The following EPM2A variants were observed in gnomAD, a reference collection of about 807,000 sequenced individuals.
EPM2A encodes laforin.
EPM2A carries 21 observed loss-of-function variants against 26.5 expected under a neutral mutation model. That is an observed-to-expected ratio of 0.79 (90% CI 0.56 to 1.14). EPM2A has a LOEUF of 1.14. EPM2A is among the 50% of genes most tolerant of loss of function. EPM2A has a pLI of 0.00. For synonymous variants in EPM2A, 217 were observed against 177.6 expected, an observed-to-expected ratio of 1.22 and a Z score of -1.76; for missense variants, 458 against 440.8, an observed-to-expected ratio of 1.04 and a Z score of -0.35.
chr6:145,727,042 C>G (rs1776247446), intron 1 of EPM2A, among the ~76,000 whole-genome samples: 2 of 152,018 alleles, frequency 1.3e-5, no homozygotes, highest in Non-Finnish European at 2.9e-5. Flanking sequence ...ACAGTTTATT[C>G]TTAAAAATAC....
chr6:145,612,158 A>G (rs1349974112), intron 2 of EPM2A, among the ~76,000 whole-genome samples: 1 of 152,220 alleles, frequency 6.6e-6, no homozygotes, highest in Non-Finnish European at 1.5e-5. Flanking sequence ...ACTAGTATTC[A>G]TGAATGTCAG....
At chr6:145,493,990 G>A (rs1278070515) in intron 4 of EPM2A, among the ~76,000 whole-genome samples, 1 of 152,134 alleles carries the variant, frequency 6.6e-6, no homozygotes, top group African/African-American at 2.4e-5. Context: ...AGATGATGCT[G>A]GCCTCATAGA....
At chr6:145,399,667 A>G (rs1196589229) in intron 4 of EPM2A, among the ~76,000 whole-genome samples, 1 of 150,700 alleles carries the variant, frequency 6.6e-6, no homozygotes, top group Admixed American at 6.7e-5. Context: ...GTTTTAGACA[A>G]TTGGGCTACA....
intron 4 of EPM2A, among the ~76,000 whole-genome samples, chr6:145,485,582 G>A (rs1779661360): frequency 6.6e-6 from 1 of 152,154 alleles, no homozygotes; most frequent in Non-Finnish European, 1.5e-5. Flanking sequence ...CACATGGAGT[G>A]AGGTGTTGGT....
intron 4 of EPM2A, among the ~76,000 whole-genome samples, chr6:145,442,804 T>A (rs1044981945): frequency 1.2e-4 from 19 of 152,322 alleles, no homozygotes; most frequent in African/African-American, 4.1e-4. Context: ...GCTGTTTGGG[T>A]TACTGTAGCC....
intron 4 of EPM2A, among the ~76,000 whole-genome samples, chr6:145,424,552 G>T (rs576315897): frequency 5.8e-4 from 88 of 152,216 alleles, no homozygotes; most frequent in African/African-American, 2.0e-3. Flanking sequence ...AATTATGTCT[G>T]ATCTATTAGA....
intron 4 of EPM2A, among the ~76,000 whole-genome samples, chr6:145,386,610 C>A (rs1778265477): frequency 6.6e-6 from 1 of 152,124 alleles, no homozygotes; most frequent in Admixed American, 6.5e-5. Flanking sequence ...ACTGTGTTTA[C>A]AACACTAAAT....
chr6:145,550,017 G>C (rs951183217), intron 2 of EPM2A, among the ~76,000 whole-genome samples: 1 of 152,108 alleles, frequency 6.6e-6, no homozygotes, highest in African/African-American at 2.4e-5. Flanking sequence ...GCAGAGTCCA[G>C]TAGAACCGAA....
At chr6:145,680,142 C>T (rs1780393492) in intron 2 of EPM2A, 2 of 151,470 alleles carry the variant, frequency 1.3e-5, no homozygotes, top group African/African-American at 4.9e-5. Flanking sequence ...TGTGGAAAGA[C>T]AAAATTGGGG....
chr6:145,676,333 A>G (rs993032153), intron 2 of EPM2A, among the ~76,000 whole-genome samples: 2 of 152,232 alleles, frequency 1.3e-5, no homozygotes, highest in Non-Finnish European at 2.9e-5. Context: ...AGAAAGATAT[A>G]AAATTGACAC....
chr6:145,726,272 T>A (rs928335895), intron 1 of EPM2A, among the ~76,000 whole-genome samples: 1 of 152,110 alleles, frequency 6.6e-6, no homozygotes, highest in African/African-American at 2.4e-5. Context: ...TAGTAAGATA[T>A]TTAAACCAAA....
chr6:145,699,466 G>T (rs923834711), intron 1 of EPM2A, among the ~76,000 whole-genome samples: 5 of 152,136 alleles, frequency 3.3e-5, no homozygotes, highest in African/African-American at 9.7e-5. Flanking sequence ...ACTAAAAATG[G>T]ACTATGTTGG....
intron 4 of EPM2A, among the ~76,000 whole-genome samples, chr6:145,495,686 T>C (rs1025040518): frequency 6.6e-6 from 1 of 152,188 alleles, no homozygotes; most frequent in African/African-American, 2.4e-5. Flanking sequence ...CAAGCAATTC[T>C]CATGCCTCAG....
chr6:145,576,896 AG>A (rs1301905328), intron 2 of EPM2A, among the ~76,000 whole-genome samples: 4 of 151,976 alleles, frequency 2.6e-5, no homozygotes, highest in African/African-American at 9.7e-5. Context: ...TAAAGTGTAG[AG>A]TTTTTTTAGG....
At chr6:145,499,917 G>A (rs1043343713), downstream of EPM2A, among the ~76,000 whole-genome samples, 3 of 152,020 alleles carry the variant, frequency 2.0e-5, no homozygotes, top group Admixed American at 1.3e-4. Flanking sequence ...CTCTGTTCCT[G>A]GAGCACGAAG....
At chr6:145,598,884 T>C (rs915439988) in intron 2 of EPM2A, among the ~76,000 whole-genome samples, 4 of 152,210 alleles carry the variant, frequency 2.6e-5, no homozygotes, top group African/African-American at 9.7e-5. Context: ...ATTGCTTGTT[T>C]TTATCAGCTT....
intron 2 of EPM2A, among the ~76,000 whole-genome samples, chr6:145,680,528 C>T (rs1205759082): frequency 1.3e-5 from 2 of 152,018 alleles, no homozygotes; most frequent in Non-Finnish European, 2.9e-5. Flanking sequence ...TCTCCTAAAG[C>T]TATCCCTCCC....
intron 4 of EPM2A, among the ~76,000 whole-genome samples, chr6:145,489,199 C>A (rs1470489859): frequency 6.6e-6 from 1 of 152,146 alleles, no homozygotes; most frequent in East Asian, 1.9e-4. Context: ...GTTCGTCATG[C>A]AGCCTTGTGT....
At chr6:145,563,852 A>G (rs1002498100) in intron 2 of EPM2A, among the ~76,000 whole-genome samples, 6 of 152,128 alleles carry the variant, frequency 3.9e-5, no homozygotes, top group African/African-American at 1.4e-4. Context: ...TATAGGGAAA[A>G]CATATATACA....
Sources: allele counts gnomAD v4.1 joint callset (sites outside exome capture counted in the v4.1 genomes callset), GRCh38; gene constraint gnomAD v4.1.1; transcripts MANE v1.5; gene names NCBI Gene and HGNC (gene_info 2026-07-23, HGNC 2026-07-21).